ZHX2: variants seen among roughly 807,000 people sequenced by gnomAD.
ZHX2 encodes zinc fingers and homeoboxes protein 2.
Under a neutral mutation model 21.9 loss-of-function variants are expected in ZHX2, and 6 were observed. The ratio of observed to expected loss-of-function variants is 0.27; its 90% confidence interval spans 0.15 to 0.54. The LOEUF (loss-of-function observed/expected upper bound fraction) is 0.54, where lower values mean the gene tolerates loss of function less well. ZHX2 is among the 20% of genes least tolerant of loss of function. The pLI is 0.95. For synonymous variants in ZHX2, 434 were observed against 437.1 expected (o/e 0.99, Z 0.09); for missense variants, 908 against 1,090.7 (o/e 0.83, Z 2.36).
intron 2 of ZHX2, among the ~76,000 whole-genome samples, chr8:122,941,113 G>C (rs1812833857): frequency 6.6e-6 from 1 of 151,852 alleles, no homozygotes; most frequent in Non-Finnish European, 1.5e-5. Context: ...TGGGCATGGT[G>C]GCATGTGCCT....
At chr8:122,875,118 G>T (rs1819530868) in intron 2 of ZHX2, among the ~76,000 whole-genome samples, 1 of 83,332 alleles carries the variant, frequency 1.2e-5, no homozygotes, top group African/African-American at 4.2e-5. Flanking sequence ...TTTAGAGGAA[G>T]GAAAACTCTG....
intron 2 of ZHX2, among the ~76,000 whole-genome samples, chr8:122,939,690 G>A (rs192449047): frequency 5.9e-5 from 9 of 152,166 alleles, no homozygotes; most frequent in South Asian, 2.1e-4. Context: ...ACAGAGAGGC[G>A]AAGTTGGGAA....
intron 2 of ZHX2, among the ~76,000 whole-genome samples, chr8:122,886,555 C>T (rs779856050): frequency 6.6e-5 from 10 of 152,040 alleles, no homozygotes; most frequent in Non-Finnish European, 7.4e-5. Context: ...ATAAAGGAAA[C>T]CAGGAAAAGA....
intron 2 of ZHX2, among the ~76,000 whole-genome samples, chr8:122,870,210 G>A (rs1045611151): frequency 3.3e-5 from 5 of 152,164 alleles, no homozygotes; most frequent in Non-Finnish European, 7.3e-5. Context: ...GATGGGCAAG[G>A]TCAATGAGGC....
chr8:122,903,456 TC>T (rs1487400823), intron 2 of ZHX2, among the ~76,000 whole-genome samples: 4 of 152,220 alleles, frequency 2.6e-5, no homozygotes, highest in Non-Finnish European at 5.9e-5. Flanking sequence ...GAACTGGGTG[TC>T]CATTTCAGCT....
intron 2 of ZHX2, among the ~76,000 whole-genome samples, chr8:122,887,595 T>C (rs1819876006): frequency 6.6e-6 from 1 of 152,098 alleles, no homozygotes; most frequent in South Asian, 2.1e-4. Context: ...GATATGTTGG[T>C]GCAAAGGTAA....
chr8:122,824,883 T>G (rs1818229130), intron 1 of ZHX2, among the ~76,000 whole-genome samples: 1 of 152,216 alleles, frequency 6.6e-6, no homozygotes, highest in South Asian at 2.1e-4. Context: ...CTTTTCCAGT[T>G]TCCAGAGGCT....
intron 1 of ZHX2, among the ~76,000 whole-genome samples, chr8:122,793,748 A>T (rs1817566882): frequency 6.6e-6 from 1 of 152,220 alleles, no homozygotes; most frequent in Admixed American, 6.5e-5. Context: ...GCCTACGTAG[A>T]TTCCGCACAT....
intron 2 of ZHX2, among the ~76,000 whole-genome samples, chr8:122,873,929 G>A (rs1819505775): frequency 6.6e-6 from 1 of 152,154 alleles, no homozygotes; most frequent in Non-Finnish European, 1.5e-5. Context: ...CAGTTTCTCA[G>A]ACTCTGACGT....
At chr8:122,876,326 G>A (rs564507031) in intron 2 of ZHX2, among the ~76,000 whole-genome samples, 9 of 152,138 alleles carry the variant, frequency 5.9e-5, no homozygotes, top group South Asian at 2.1e-4. Context: ...GCTGCAATTC[G>A]GGCAGCACCA....
intron 1 of ZHX2, among the ~76,000 whole-genome samples, chr8:122,784,938 C>G (rs1301593333): frequency 1.3e-5 from 2 of 152,236 alleles, no homozygotes; most frequent in Non-Finnish European, 2.9e-5. Context: ...CAGAGCCCCC[C>G]TGGCAGAAAC....
intron 1 of ZHX2, among the ~76,000 whole-genome samples, chr8:122,786,425 G>T (rs1022043363): frequency 3.3e-5 from 5 of 152,232 alleles, no homozygotes; most frequent in African/African-American, 1.2e-4. Context: ...TTTGCTCAGG[G>T]TATTACCTTT....
At chr8:122,870,195 A>G (rs1300308557) in intron 2 of ZHX2, among the ~76,000 whole-genome samples, 1 of 152,140 alleles carries the variant, frequency 6.6e-6, no homozygotes, top group Non-Finnish European at 1.5e-5. Context: ...GCACATGGCA[A>G]TTGAGATGGG....
intron 2 of ZHX2, among the ~76,000 whole-genome samples, chr8:122,903,928 C>T (rs781379730): frequency 3.3e-4 from 50 of 152,122 alleles, no homozygotes; most frequent in Admixed American, 1.1e-3. Flanking sequence ...CTCTATTTCT[C>T]CCACTGAGTA....
chr8:122,827,998 C>T (rs1374633547), intron 1 of ZHX2, among the ~76,000 whole-genome samples: 1 of 152,136 alleles, frequency 6.6e-6, no homozygotes, highest in Non-Finnish European at 1.5e-5. Flanking sequence ...ACTGTAGTCC[C>T]AGCTACTCGG....
chr8:122,784,840 A>T lies in ZHX2; in HGVS notation c.-283+2894A>T, dbSNP rs747784170. 5.3e-4 allele frequency among the ~76,000 whole-genome samples: 81 copies of T among 152,220 alleles called. 1 individual carries two copies. The highest frequency in any genetic ancestry group is 1.6e-4 in the Non-Finnish European group (11 of 68,026). On this transcript the variant is annotated intron_variant, in intron 1 of 3. Coordinates refer to ENST00000314393, the MANE Select transcript of ZHX2 (RefSeq NM_014943.5). ...CTAACTTGCCCAAGTCCAAACAGCT[A>T]GTAAGCGGAGTGGCAGCCCCCAGAA...
chr8:122,789,585 G>A (rs1196382326), intron 1 of ZHX2, among the ~76,000 whole-genome samples: 1 of 152,134 alleles, frequency 6.6e-6, no homozygotes, highest in Non-Finnish European at 1.5e-5. Flanking sequence ...GAGAGGCCAG[G>A]AGGCCAGGAG....
At chr8:122,864,928 C>G (rs1195198386) in intron 2 of ZHX2, among the ~76,000 whole-genome samples, 1 of 152,158 alleles carries the variant, frequency 6.6e-6, no homozygotes, top group Non-Finnish European at 1.5e-5. Context: ...TCAGCTGCAA[C>G]AGTAAATATT....
chr8:122,851,010 A>G (rs1818881935), intron 1 of ZHX2, among the ~76,000 whole-genome samples: 1 of 151,458 alleles, frequency 6.6e-6, no homozygotes, highest in Non-Finnish European at 1.5e-5. Flanking sequence ...AGCCTAGAAC[A>G]CTCTTTTCCC....
Sources: gnomAD v4.1 joint callset for allele counts (sites outside exome capture counted in the v4.1 genomes callset) on GRCh38, gnomAD v4.1.1 for gene constraint, MANE v1.5 for transcripts, NCBI Gene and HGNC (gene_info 2026-07-23, HGNC 2026-07-21) for gene names.